The following LRRC20 variants were observed in gnomAD, a reference collection of about 807,000 sequenced individuals.
LRRC20 encodes the protein leucine rich repeat containing 20.
LRRC20 carries 11 observed loss-of-function variants against 14.4 expected under a neutral mutation model. The ratio of observed to expected loss-of-function variants is 0.77; its 90% CI spans 0.48 to 1.27. The LOEUF is 1.27. Ranked by LOEUF, LRRC20 falls within the 50% of genes most tolerant of loss-of-function variation. LRRC20 has a pLI of 0.00. For missense variants in LRRC20, 219 were observed against 251.2 expected, an observed-to-expected ratio of 0.87 and a Z score of 0.87; for synonymous variants, 121 against 107.3, an observed-to-expected ratio of 1.13 and a Z score of -0.79.
At chr10:70,306,186 C>T (rs7072295) in intron 4 of LRRC20, among the ~76,000 whole-genome samples, 33 of 151,252 alleles carry the variant, frequency 2.2e-4, no homozygotes, top group African/African-American at 6.8e-4. Flanking sequence ...ACCATACATA[C>T]GTCATGGCCC....
In LRRC20 at chr10:70,341,625, G is replaced by A. The variant is rs118034302; in HGVS notation, c.83-923C>T. Among the ~76,000 whole-genome samples the A allele has an allele frequency of 9.9e-5, 15 of 152,036 alleles. No individual in the cohort carries two copies. The East Asian group carries it at 2.3e-3, about 24-fold the overall frequency. On this transcript the variant is annotated intron_variant, in intron 2 of 4. Transcript: ENST00000446961. Reference sequence around the variant, plus strand: ...TCTACTAAAAACAAAAAAATTAGCCGGGCATGGTGGTATGTACCTGTAATC... The same window carrying A: ...TCTACTAAAAACAAAAAAATTAGCCAGGCATGGTGGTATGTACCTGTAATC...
Position 70,301,024 on chromosome 10 carries a change from A to C in LRRC20, c.*330T>G. 4.6e-6 allele frequency: 5 copies of C among 1,089,746 alleles called. No individual in the cohort carries two copies. The highest frequency in any genetic ancestry group is 5.6e-6 in the Non-Finnish European group (5 of 897,282). The allele number at this position is 1,089,746 out of a possible 1,614,324, so 67.5% of individuals were successfully genotyped here. A position where few individuals can be genotyped will look rare whatever the true frequency, so the allele number is the denominator to read the frequency against. ...GGTAACTTGGAGGCACGTACTGCTT[A>C]AAAACCTCCAGGGAGCCCAAAGGAG... On this transcript the variant is annotated 3_prime_UTR_variant, in exon 5 of 5. Coordinates refer to ENST00000446961, the MANE Select transcript of LRRC20 (RefSeq NM_001278212.2).
At chr10:70,313,803 A>G (rs1841754087) in intron 4 of LRRC20, among the ~76,000 whole-genome samples, 1 of 152,228 alleles carries the variant, frequency 6.6e-6, no homozygotes, top group Non-Finnish European at 1.5e-5. Context: ...TCACAACTGT[A>G]AAACGTATGA....
At chr10:70,335,117 G>C (rs963624771) in intron 3 of LRRC20, among the ~76,000 whole-genome samples, 2 of 152,200 alleles carry the variant, frequency 1.3e-5, no homozygotes, top group African/African-American at 2.4e-5. Context: ...TGGCTGGCTG[G>C]CATCTCCCTG....
chr10:70,341,598 T>A (rs1437254352), intron 2 of LRRC20, among the ~76,000 whole-genome samples: 1 of 151,970 alleles, frequency 6.6e-6, no homozygotes, highest in African/African-American at 2.4e-5. Context: ...TGAAATCCTA[T>A]CTCTACTAAA....
chr10:70,338,936 C>G (rs1473253906), intron 3 of LRRC20, among the ~76,000 whole-genome samples: 1 of 152,242 alleles, frequency 6.6e-6, no homozygotes, highest in East Asian at 1.9e-4. Flanking sequence ...GCTGGGATTA[C>G]AGGCGTGAGC....
At chr10:70,306,685 C>A (rs1589935796) in intron 4 of LRRC20, among the ~76,000 whole-genome samples, 1 of 152,120 alleles carries the variant, frequency 6.6e-6, no homozygotes, top group South Asian at 2.1e-4. Flanking sequence ...TCCCTTGCAT[C>A]TAACAAGAAG....
In LRRC20 at chr10:70,300,828, T is replaced by C. The variant is rs1278557700; in HGVS notation, c.*526A>G. On this transcript the variant is annotated 3_prime_UTR_variant, in exon 5 of 5. Transcript: ENST00000446961. Reference sequence around the variant, plus strand: ...GTCCAGGGACCACAGGACTGAAGACTGGGCCCTGCAGAGGGCCGCATCCAG... The same window carrying C: ...GTCCAGGGACCACAGGACTGAAGACCGGGCCCTGCAGAGGGCCGCATCCAG... 1.0e-6 allele frequency: 1 copy of C among 985,726 alleles called. No individual in the cohort carries two copies. The highest frequency in any genetic ancestry group is 1.2e-6 in the Non-Finnish European group (1 of 830,278). 61.1% of individuals were successfully genotyped at this position (985,726 alleles called of 1,614,324 possible).
In LRRC20 at chr10:70,340,621, A is replaced by T. The variant is rs780878252; in HGVS notation, c.164T>A (p.Ile55Asn). The change falls in exon 3 of 5, where the codon ATC (isoleucine) becomes AAC (asparagine). Residue 55 changes from isoleucine to asparagine, a missense_variant. Ile to Asn is a moderately radical substitution (Grantham distance 149). Coordinates refer to ENST00000446961, the MANE Select transcript of LRRC20 (RefSeq NM_001278212.2). Reference sequence around the variant, plus strand: ...CTTAAGCTCGTTGTTAGCCAGGGTGATGAGGTGGATCTGGCCAGAGACATT... The same window carrying T: ...CTTAAGCTCGTTGTTAGCCAGGGTGTTGAGGTGGATCTGGCCAGAGACATT... ...LRNVSGQIHL[I>N]TLANNELKSL... 2 of 1,614,200 alleles carry T rather than the reference A, an allele frequency of 1.2e-6. No individual in the cohort carries two copies. Among genetic ancestry groups the T allele is most frequent in the East Asian group, 4.5e-5 (2 of 44,890 alleles).
At chr10:70,313,417 G>T (rs1841742031) in intron 4 of LRRC20, among the ~76,000 whole-genome samples, 1 of 152,086 alleles carries the variant, frequency 6.6e-6, no homozygotes, top group East Asian at 1.9e-4. Context: ...GGGCAGAAGG[G>T]TTCCTCAGAA....
chr10:70,329,325 T>C (rs148752864), intron 3 of LRRC20, among the ~76,000 whole-genome samples: 4 of 152,332 alleles, frequency 2.6e-5, no homozygotes, highest in African/African-American at 9.6e-5. Context: ...TATCTTCTTC[T>C]TCTTGTTGTT....
intron 2 of LRRC20, among the ~76,000 whole-genome samples, chr10:70,365,697 C>T (rs1048575928): frequency 1.3e-5 from 2 of 150,216 alleles, no homozygotes; most frequent in South Asian, 4.2e-4. Context: ...CAAGACCCCA[C>T]CTCGAAAAAA....
intron 1 of LRRC20, among the ~76,000 whole-genome samples, chr10:70,377,718 C>T (rs914656257): frequency 6.6e-6 from 1 of 152,174 alleles, no homozygotes; most frequent in Non-Finnish European, 1.5e-5. Flanking sequence ...CTAACAGTCA[C>T]CAAGAAAAAG....
intron 4 of LRRC20, among the ~76,000 whole-genome samples, chr10:70,318,279 G>C (rs1482282566): frequency 6.6e-6 from 1 of 152,184 alleles, no homozygotes; most frequent in Non-Finnish European, 1.5e-5. Context: ...TTCTGATGTA[G>C]GTCTAGGGCA....
chr10:70,375,711 T>G (rs10733866), intron 2 of LRRC20, among the ~76,000 whole-genome samples: 147,472 of 152,150 alleles, frequency 0.97, 71,619 homozygotes, highest in Non-Finnish European at 1. Context: ...CTGCATTCCA[T>G]GGGTGACATA....
chr10:70,371,566 C>T (rs914350521), intron 2 of LRRC20, among the ~76,000 whole-genome samples: 1 of 152,130 alleles, frequency 6.6e-6, no homozygotes, highest in South Asian at 2.1e-4. Context: ...CCCACAACCA[C>T]AGGCTGGAGG....
rs1842881907 is a variant in LRRC20, at chr10:70,340,686, C to T, written c.99G>A (p.Lys33=). The T allele has an allele frequency of 1.9e-6, 3 of 1,614,192 alleles. No homozygotes were observed. The highest frequency in any genetic ancestry group is 2.5e-6 in the Non-Finnish European group (3 of 1,180,030). ...GSDTLDLAEC[K]LVSFPIGIYK... Reference sequence around the variant, plus strand: ...AGATGCCAATGGGAAAGGAGACCAGCTTGCACTCGGCCAGGTCTGCAGCCA... The same window carrying T: ...AGATGCCAATGGGAAAGGAGACCAGTTTGCACTCGGCCAGGTCTGCAGCCA... The change falls in exon 3 of 5, where the codon AAG becomes AAA. Residue 33 remains lysine (K), a synonymous_variant. Transcript: ENST00000446961.
At chr10:70,354,083 C>T (rs1843431314) in intron 2 of LRRC20, among the ~76,000 whole-genome samples, 2 of 152,098 alleles carry the variant, frequency 1.3e-5, no homozygotes, top group African/African-American at 2.4e-5. Flanking sequence ...TCTCCAAGGC[C>T]CCTTGCAGCT....
intron 2 of LRRC20, among the ~76,000 whole-genome samples, chr10:70,361,048 T>TA (rs71472958): frequency 0.24 from 29,450 of 122,670 alleles, 3,440 homozygotes; most frequent in East Asian, 0.39. Context: ...ACCCCATCTC[T>TA]AAAAAAAAAA....
Sources: gnomAD v4.1 joint callset for allele counts (sites outside exome capture counted in the v4.1 genomes callset) on GRCh38, gnomAD v4.1.1 for gene constraint, MANE v1.5 for transcripts, NCBI Gene and HGNC (gene_info 2026-07-23, HGNC 2026-07-21) for gene names.